TRAPPC9: variants seen among roughly 807,000 people sequenced by gnomAD.
TRAPPC9 encodes IKK2 binding protein.
TRAPPC9 carries 83 observed loss-of-function variants against 124.0 expected under a neutral mutation model. The ratio of observed to expected loss-of-function variants is 0.67; its 90% CI spans 0.56 to 0.80. The LOEUF (loss-of-function observed/expected upper bound fraction) is 0.80. TRAPPC9 is among the 30% of genes least tolerant of loss of function. The pLI is 0.00. For missense variants in TRAPPC9, 1,302 were observed against 1,508.3 expected (o/e 0.86, Z 2.27); for synonymous variants, 638 against 617.5 (o/e 1.03, Z -0.49).
At chr8:139,783,073 A>G (rs1477035190) in intron 21 of TRAPPC9, among the ~76,000 whole-genome samples, 1 of 151,590 alleles carries the variant, frequency 6.6e-6, no homozygotes, top group Admixed American at 6.7e-5. Context: ...TTCATAGCAC[A>G]AATCACCTAT....
chr8:139,950,465 T>C (rs1352735191), intron 19 of TRAPPC9, among the ~76,000 whole-genome samples: 2 of 152,148 alleles, frequency 1.3e-5, no homozygotes, highest in Non-Finnish European at 2.9e-5. Context: ...TCACAATGAG[T>C]AAACCAGGGC....
At chr8:139,763,270 G>A (rs950672979) in intron 21 of TRAPPC9, among the ~76,000 whole-genome samples, 13 of 152,182 alleles carry the variant, frequency 8.5e-5, no homozygotes, top group African/African-American at 2.9e-4. Flanking sequence ...GGATTAAAAC[G>A]TGGCTCTGGC....
chr8:139,777,927 G>A, intron 21 of TRAPPC9, among the ~76,000 whole-genome samples: 1 of 152,118 alleles, frequency 6.6e-6, no homozygotes, highest in East Asian at 1.9e-4. Flanking sequence ...GAAGGTGAAT[G>A]CAGCTAGAGT....
intron 12 of TRAPPC9, 23 bp from the exon 13 acceptor site, chr8:140,287,757 G>C: frequency 2.5e-6 from 4 of 1,613,854 alleles, no homozygotes; most frequent in Non-Finnish European, 3.4e-6. Flanking sequence ...ACGCAGCATC[G>C]TAAGCCCGGA....
At chr8:140,022,652 T>G (rs1458713048) in intron 18 of TRAPPC9, among the ~76,000 whole-genome samples, 1 of 152,168 alleles carries the variant, frequency 6.6e-6, no homozygotes, top group Admixed American at 6.5e-5. Context: ...AGGTTCATGA[T>G]GGAGCAAATG....
intron 17 of TRAPPC9, among the ~76,000 whole-genome samples, chr8:140,033,669 T>G (rs1349297886): frequency 9.6e-5 from 7 of 73,278 alleles, no homozygotes; most frequent in African/African-American, 4.9e-4. Context: ...TTTTTTTTTT[T>G]TTTTTTTTTT....
At chr8:139,935,707 CAACTT>C (rs1368794441) in intron 19 of TRAPPC9, among the ~76,000 whole-genome samples, 1 of 144,432 alleles carries the variant, frequency 6.9e-6, no homozygotes, top group Non-Finnish European at 1.5e-5. Flanking sequence ...GTTCTAAGCT[CAACTT>C]ATTTGCCGTA....
intron 17 of TRAPPC9, among the ~76,000 whole-genome samples, chr8:140,084,625 G>A (rs1014043609): frequency 3.3e-5 from 5 of 152,200 alleles, no homozygotes; most frequent in African/African-American, 1.2e-4. Flanking sequence ...AAGAACCGCC[G>A]AGGACAAGGC....
intron 19 of TRAPPC9, among the ~76,000 whole-genome samples, chr8:139,981,168 T>C (rs1836866165): frequency 6.6e-6 from 1 of 152,062 alleles, no homozygotes; most frequent in South Asian, 2.1e-4. Flanking sequence ...GCCATCTGGG[T>C]TTGTATCAGG....
chr8:140,291,034 C>T lies in TRAPPC9; in HGVS notation c.1813G>A (p.Val605Ile). The part of the protein sequence containing the change: ...QGDVCEVQLM[V>I]YNPMPFELRV... ...AGTTCAAACGGCATTGGGTTATATA[C>T]CATCAGCTGAACTTCACACACATCT... The change falls in exon 12 of 23, where the codon GTA becomes ATA. Residue 605 changes from valine to isoleucine, a missense_variant. Transcript: ENST00000438773. The T allele has an allele frequency of 6.2e-7, 1 of 1,614,210 alleles. No individual in the cohort carries two copies. The highest frequency in any genetic ancestry group is 8.5e-7 in the Non-Finnish European group (1 of 1,180,038).
intron 2 of TRAPPC9, among the ~76,000 whole-genome samples, chr8:140,440,276 G>A (rs2070965022): frequency 6.6e-6 from 1 of 152,170 alleles, no homozygotes. Context: ...GGGAGACCGA[G>A]GCGGGCGGAT....
Position 139,988,130 on chromosome 8 carries a change from G to T in TRAPPC9, c.2810+596C>A, listed in dbSNP as rs531545306. On this transcript the variant is annotated intron_variant, in intron 19 of 22. Transcript: ENST00000438773. ...CTTTTTTTTTTTTTTTTTTTTTGAG[G>T]CGGAGTCTCGCTCTGTCGCCCAGGC... 3.5e-3 allele frequency among the ~76,000 whole-genome samples: 486 copies of T among 140,382 alleles called. 7 individuals carry two copies. Among genetic ancestry groups the T allele is most frequent in the African/African-American group, 0.011 (411 of 37,270 alleles). The allele number at this position is 140,382 out of a possible 152,430, so 92.1% of individuals were successfully genotyped here. A position where few individuals can be genotyped will look rare whatever the true frequency, so the allele number is the denominator to read the frequency against.
intron 17 of TRAPPC9, among the ~76,000 whole-genome samples, chr8:140,033,673 T>TGTTTG (rs1563706809): frequency 8.2e-4 from 63 of 76,746 alleles, no homozygotes; most frequent in South Asian, 1.7e-3. Context: ...TTTTTTTTTT[T>TGTTTG]TTTTTTTTTT....
At chr8:140,251,478 C>T (rs900257390) in intron 16 of TRAPPC9, among the ~76,000 whole-genome samples, 1 of 152,354 alleles carries the variant, frequency 6.6e-6, no homozygotes, top group African/African-American at 2.4e-5. Flanking sequence ...TGTTTTTCTA[C>T]ATTTGTTAAT....
At position 140,093,894 on chromosome 8, in the gene TRAPPC9, T is replaced by C. The variant is rs543395003; in HGVS notation, c.2557-69815A>G. 2.4e-4 allele frequency among the ~76,000 whole-genome samples: 37 copies of C among 152,232 alleles called. No homozygotes were observed. The South Asian group carries it at 7.3e-3, about 30-fold the overall frequency. The stretch of plus-strand genomic sequence containing the variant: ...TCACCCTTAGTCATCCTCATGACTG[T>C]TGCTTTCTTTCCAAAACTCCCCATG... On this transcript the variant is annotated intron_variant, in intron 17 of 22. Transcript: ENST00000438773.
In TRAPPC9 at chr8:140,450,986, T is replaced by C; in HGVS notation, c.388A>G (p.Thr130Ala). ...LQGEIVEQPR[T>A]DVAFYPNYED... ...TAGTTGGGGTAGAAAGCCACGTCGG[T>C]GCGCGGCTGCTCCACGATCTCCCCC... Residue 130 changes from threonine to alanine, a missense_variant, in exon 2 of 23, where the codon ACC (threonine) becomes GCC (alanine). Thr to Ala is a moderately conservative substitution (Grantham distance 58). This residue lies in a region of TRAPPC9 where 657 missense variants were observed against 811.2 expected (regional missense o/e 0.81). Coordinates refer to ENST00000438773, the MANE Select transcript of TRAPPC9 (RefSeq NM_001160372.4). 6.2e-7 allele frequency: 1 copy of C among 1,614,072 alleles called. No individual in the cohort carries two copies. The highest frequency in any genetic ancestry group is 8.5e-7 in the Non-Finnish European group (1 of 1,180,016).
At chr8:140,102,952 G>A (rs369632611) in intron 17 of TRAPPC9, among the ~76,000 whole-genome samples, 2 of 152,150 alleles carry the variant, frequency 1.3e-5, no homozygotes, top group African/African-American at 2.4e-5. Context: ...TGTCTGAAGC[G>A]CCAGGATCAT....
intron 17 of TRAPPC9, among the ~76,000 whole-genome samples, chr8:140,139,715 C>T (rs551726331): frequency 6.6e-6 from 1 of 152,022 alleles, no homozygotes; most frequent in Non-Finnish European, 1.5e-5. Flanking sequence ...GGCAAAATAA[C>T]CTATGGTATT....
intron 17 of TRAPPC9, among the ~76,000 whole-genome samples, chr8:140,034,593 G>T (rs889959683): frequency 2.6e-5 from 4 of 152,232 alleles, no homozygotes; most frequent in Admixed American, 6.5e-5. Context: ...TGAAGAGCAG[G>T]TGCCCCACAT....
Sources: allele counts gnomAD v4.1 joint callset (sites outside exome capture counted in the v4.1 genomes callset), GRCh38; gene constraint gnomAD v4.1.1; regional missense constraint gnomAD v4.1.1; transcripts MANE v1.5; gene names NCBI Gene and HGNC (gene_info 2026-07-23, HGNC 2026-07-21).